The following STXBP6 variants were observed in gnomAD, a reference collection of about 807,000 sequenced individuals.
The protein encoded by STXBP6 is syntaxin-binding protein 6.
A neutral mutation model predicts 26.9 loss-of-function variants in STXBP6; 21 were observed. That is an observed-to-expected ratio of 0.78 (90% CI 0.55 to 1.12). The LOEUF (loss-of-function observed/expected upper bound fraction) is 1.12, where lower values mean the gene tolerates loss of function less well. Among genes scored for constraint, STXBP6 ranks in the 50% most tolerant of loss-of-function variants. The pLI is 0.00. For missense variants in STXBP6, 232 were observed against 257.9 expected (o/e 0.90, Z 0.69); for synonymous variants, 97 against 92.6 (o/e 1.05, Z -0.27).
intron 2 of STXBP6, among the ~76,000 whole-genome samples, chr14:24,884,620 G>A (rs1031433448): frequency 6.6e-6 from 1 of 152,208 alleles, no homozygotes; most frequent in African/African-American, 2.4e-5. Context: ...CTGTGCCTCT[G>A]TGTCTTCTCC....
At chr14:25,003,834 A>G (rs1326800446) in intron 1 of STXBP6, among the ~76,000 whole-genome samples, 1 of 152,236 alleles carries the variant, frequency 6.6e-6, no homozygotes, top group Non-Finnish European at 1.5e-5. Context: ...ACAGCAACAC[A>G]ATGGCAGCAG....
chr14:24,872,110 C>T (rs867777733), intron 2 of STXBP6, among the ~76,000 whole-genome samples: 14 of 152,134 alleles, frequency 9.2e-5, no homozygotes, highest in African/African-American at 2.9e-4. Flanking sequence ...CTAAACTATG[C>T]CAAAATTCCC....
intron 2 of STXBP6, among the ~76,000 whole-genome samples, chr14:24,937,964 T>C (rs1284065707): frequency 2.6e-5 from 4 of 152,226 alleles, no homozygotes; most frequent in Non-Finnish European, 5.9e-5. Flanking sequence ...CCTTTGCCAC[T>C]TTGCAAATGC....
At chr14:25,017,471 TAA>T (rs1416393905) in intron 1 of STXBP6, among the ~76,000 whole-genome samples, 1 of 152,186 alleles carries the variant, frequency 6.6e-6, no homozygotes, top group Non-Finnish European at 1.5e-5. Context: ...AGAGGAAGTA[TAA>T]GTCACTAGAA....
intron 4 of STXBP6, among the ~76,000 whole-genome samples, chr14:24,848,445 T>TA (rs1398763298): frequency 6.6e-6 from 1 of 152,176 alleles, no homozygotes; most frequent in Non-Finnish European, 1.5e-5. Flanking sequence ...GAACGGCTCT[T>TA]ATCTACTGCA....
intron 2 of STXBP6, among the ~76,000 whole-genome samples, chr14:24,901,646 A>G (rs961811127): frequency 3.3e-5 from 5 of 152,218 alleles, no homozygotes; most frequent in African/African-American, 1.2e-4. Flanking sequence ...ATAAATTATG[A>G]CATACCCATA....
At chr14:24,955,629 G>A (rs1416767173) in intron 2 of STXBP6, among the ~76,000 whole-genome samples, 1 of 152,096 alleles carries the variant, frequency 6.6e-6, no homozygotes, top group Non-Finnish European at 1.5e-5. Flanking sequence ...GGCCCATGAT[G>A]AGATGAGTGG....
At chr14:24,958,734 T>A (rs987559215) in intron 2 of STXBP6, among the ~76,000 whole-genome samples, 3 of 151,114 alleles carry the variant, frequency 2.0e-5, no homozygotes, top group Non-Finnish European at 4.4e-5. Context: ...TCAAGTTGCA[T>A]TTTTTTTTCT....
At chr14:24,952,449 G>A (rs1251137469) in intron 2 of STXBP6, among the ~76,000 whole-genome samples, 1 of 152,026 alleles carries the variant, frequency 6.6e-6, no homozygotes, top group Non-Finnish European at 1.5e-5. Flanking sequence ...GCTAAATTTT[G>A]CCCAAATGTA....
chr14:24,946,730 G>T (rs1253611382), intron 2 of STXBP6, among the ~76,000 whole-genome samples: 2 of 152,224 alleles, frequency 1.3e-5, no homozygotes, highest in Admixed American at 1.3e-4. Context: ...TTGGCAGAGG[G>T]CCTGGAGTCC....
intron 2 of STXBP6, among the ~76,000 whole-genome samples, chr14:24,958,332 C>A (rs2073409744): frequency 6.6e-6 from 1 of 152,124 alleles, no homozygotes; most frequent in Non-Finnish European, 1.5e-5. Context: ...AAACTGGTCA[C>A]AGGAAAATTT....
chr14:24,991,104 G>A (rs1167102259), intron 1 of STXBP6, among the ~76,000 whole-genome samples: 2 of 151,074 alleles, frequency 1.3e-5, no homozygotes, highest in Non-Finnish European at 3.0e-5. Context: ...CAGAGAGGGG[G>A]AAGAGAGAGG....
chr14:24,875,055 T>C (rs886288287), intron 2 of STXBP6, among the ~76,000 whole-genome samples: 1 of 152,190 alleles, frequency 6.6e-6, no homozygotes, highest in African/African-American at 2.4e-5. Context: ...CTTGTACCCA[T>C]TAGCACTGAC....
At chr14:24,933,116 G>A (rs1458048557) in intron 2 of STXBP6, among the ~76,000 whole-genome samples, 2 of 152,184 alleles carry the variant, frequency 1.3e-5, no homozygotes, top group South Asian at 4.1e-4. Flanking sequence ...CAAGGCGGAT[G>A]GATTGCTTGA....
At chr14:24,860,506 C>A (rs2069496769) in intron 2 of STXBP6, among the ~76,000 whole-genome samples, 1 of 152,274 alleles carries the variant, frequency 6.6e-6, no homozygotes, top group Middle Eastern at 3.4e-3. Context: ...CACACTGTTA[C>A]ACCTACACTC....
intron 2 of STXBP6, among the ~76,000 whole-genome samples, chr14:24,883,638 T>C (rs2070456277): frequency 6.7e-6 from 1 of 150,102 alleles, no homozygotes; most frequent in South Asian, 2.1e-4. Context: ...AGGCGGCTAT[T>C]AGATGTGAAA....
In STXBP6 at chr14:25,049,160, G is replaced by T. The variant is rs2075768003; in HGVS notation, c.-33+718C>A. Reference sequence around the variant, plus strand: ...CGGGGTGGGGTGGTGAGGTGGCGGGGTGTTGTAAACCTGAGGAAAGGTTGG... The same window carrying T: ...CGGGGTGGGGTGGTGAGGTGGCGGGTTGTTGTAAACCTGAGGAAAGGTTGG... On this transcript the variant is annotated intron_variant, in intron 1 of 5. Coordinates refer to ENST00000323944, the MANE Select transcript of STXBP6 (RefSeq NM_001394410.1). This position sits in a 1 kb window ranked among gnomAD's most constrained non-coding sequence, Gnocchi z 5.6. The T allele has an allele frequency of 2.0e-6, 2 of 985,564 alleles. No homozygotes were observed. The highest frequency in any genetic ancestry group is 2.4e-6 in the Non-Finnish European group (2 of 830,044). The allele number at this position is 985,564 out of a possible 1,614,324, so 61.1% of individuals were successfully genotyped here.
intron 4 of STXBP6, among the ~76,000 whole-genome samples, chr14:24,841,871 T>A (rs375563942): frequency 1.3e-5 from 2 of 152,378 alleles, no homozygotes; most frequent in East Asian, 1.9e-4. Context: ...AGTTCATTGT[T>A]ACTTTCATTT....
At chr14:24,949,426 G>C (rs1230153934) in intron 2 of STXBP6, among the ~76,000 whole-genome samples, 1 of 152,174 alleles carries the variant, frequency 6.6e-6, no homozygotes, top group African/African-American at 2.4e-5. Flanking sequence ...TAAGCACTAA[G>C]TGGCCTTGAA....
Sources: allele counts gnomAD v4.1 joint callset (sites outside exome capture counted in the v4.1 genomes callset), GRCh38; gene constraint gnomAD v4.1.1; non-coding constraint Gnocchi (gnomAD v3.1); transcripts MANE v1.5; gene names NCBI Gene and HGNC (gene_info 2026-07-23, HGNC 2026-07-21).